The following NRCAM variants were observed in gnomAD, a reference collection of about 807,000 sequenced individuals.
The protein encoded by NRCAM is neuronal cell adhesion molecule.
Under a neutral mutation model 156.5 loss-of-function variants are expected in NRCAM, and 83 were observed. That is an observed-to-expected ratio of 0.53 (90% CI 0.44 to 0.64). The LOEUF (loss-of-function observed/expected upper bound fraction) is 0.64. Among genes scored for constraint, NRCAM ranks in the 30% least tolerant of loss-of-function variants. The pLI is 0.00. For missense variants in NRCAM, 1,417 were observed against 1,597.3 expected (o/e 0.89, Z 1.92); for synonymous variants, 538 against 563.9 (o/e 0.95, Z 0.65).
intron 2 of NRCAM, among the ~76,000 whole-genome samples, chr7:108,356,629 G>A (rs1253173564): frequency 6.6e-6 from 1 of 152,164 alleles, no homozygotes; most frequent in Non-Finnish European, 1.5e-5. Context: ...AATTATTACA[G>A]CCTGCCGAAA....
At chr7:108,428,559 A>G (rs945698172) in intron 1 of NRCAM, among the ~76,000 whole-genome samples, 3 of 152,220 alleles carry the variant, frequency 2.0e-5, no homozygotes, top group Non-Finnish European at 4.4e-5. Context: ...ATCCTTGGAC[A>G]AAAGGAAGGC....
intron 2 of NRCAM, among the ~76,000 whole-genome samples, chr7:108,320,899 G>C (rs1020394771): frequency 1.3e-5 from 2 of 152,230 alleles, no homozygotes; most frequent in African/African-American, 2.4e-5. Flanking sequence ...GGTTCACTAT[G>C]TTAATTTACG....
chr7:108,388,656 T>A (rs200825828), intron 2 of NRCAM, among the ~76,000 whole-genome samples: 13 of 152,332 alleles, frequency 8.5e-5, no homozygotes, highest in South Asian at 2.1e-4. Context: ...CTGAATGGTA[T>A]TGCCTAGGTT....
chr7:108,259,653 CTA>C (rs1386611149), intron 3 of NRCAM, among the ~76,000 whole-genome samples: 2 of 152,144 alleles, frequency 1.3e-5, no homozygotes, highest in Non-Finnish European at 2.9e-5. Context: ...CAATGGAATA[CTA>C]TGCAGCCATA....
At chr7:108,327,363 A>AT (rs1398551440) in intron 2 of NRCAM, among the ~76,000 whole-genome samples, 1 of 152,186 alleles carries the variant, frequency 6.6e-6, no homozygotes, top group Non-Finnish European at 1.5e-5. Flanking sequence ...AACATAAGTT[A>AT]TTTTTCTGGT....
intron 2 of NRCAM, among the ~76,000 whole-genome samples, chr7:108,358,550 T>C (rs182546689): frequency 3.6e-4 from 55 of 152,188 alleles, no homozygotes; most frequent in African/African-American, 1.3e-3. Context: ...TGTCAGGTGA[T>C]GTCTAATGCA....
intron 2 of NRCAM, among the ~76,000 whole-genome samples, chr7:108,331,297 A>C (rs1189340561): frequency 6.6e-6 from 1 of 152,064 alleles, no homozygotes; most frequent in East Asian, 1.9e-4. Flanking sequence ...GTTACTCAGG[A>C]GGCTGAGGTA....
At chr7:108,183,799 T>G (rs1416762883) in intron 22 of NRCAM, among the ~76,000 whole-genome samples, 1 of 152,192 alleles carries the variant, frequency 6.6e-6, no homozygotes. Context: ...CCTCCCAAAG[T>G]GCTGGGATTA....
chr7:108,172,531 A>G (rs1258883136), intron 28 of NRCAM, among the ~76,000 whole-genome samples: 2 of 152,214 alleles, frequency 1.3e-5, no homozygotes, highest in East Asian at 3.9e-4. Flanking sequence ...CCTGACCTCA[A>G]GTGATCTGCC....
intron 1 of NRCAM, among the ~76,000 whole-genome samples, chr7:108,423,707 T>C (rs1813303474): frequency 1.3e-5 from 2 of 152,358 alleles, no homozygotes; most frequent in South Asian, 4.1e-4. Context: ...ATATTACACT[T>C]CATGACCTTC....
intron 11 of NRCAM, among the ~76,000 whole-genome samples, chr7:108,217,406 C>T (rs1036760491): frequency 6.6e-6 from 1 of 152,210 alleles, no homozygotes; most frequent in African/African-American, 2.4e-5. Flanking sequence ...GTCAGGGACC[C>T]ACTTGAGGAG....
chr7:108,285,689 A>T (rs1037564027), intron 3 of NRCAM, among the ~76,000 whole-genome samples: 1 of 152,156 alleles, frequency 6.6e-6, no homozygotes, highest in African/African-American at 2.4e-5. Context: ...TAGAAACAAA[A>T]CTCCTTTGGA....
At chr7:108,256,188 G>A (rs1048875687) in intron 3 of NRCAM, among the ~76,000 whole-genome samples, 20 of 152,036 alleles carry the variant, frequency 1.3e-4, no homozygotes, top group African/African-American at 3.6e-4. Flanking sequence ...TAGAAAAGGG[G>A]GAAATGTGGG....
chr7:108,279,792 G>A (rs1430852578), intron 3 of NRCAM, among the ~76,000 whole-genome samples: 2 of 151,930 alleles, frequency 1.3e-5, no homozygotes. Flanking sequence ...AAACTCCTGA[G>A]CAAGTGATCC....
intron 3 of NRCAM, among the ~76,000 whole-genome samples, chr7:108,259,985 G>A (rs564147817): frequency 1.2e-4 from 18 of 152,298 alleles, no homozygotes; most frequent in Middle Eastern, 3.4e-3. Context: ...CACATGTACC[G>A]CAGAACTTAA....
chr7:108,441,496 C>T (rs903509104), intron 1 of NRCAM, among the ~76,000 whole-genome samples: 2 of 152,204 alleles, frequency 1.3e-5, no homozygotes, highest in Non-Finnish European at 2.9e-5. Flanking sequence ...ATACAACATT[C>T]CCCTTAGAAG....
At chr7:108,220,860 A>C (rs1588881138) in intron 11 of NRCAM, among the ~76,000 whole-genome samples, 1 of 152,218 alleles carries the variant, frequency 6.6e-6, no homozygotes, top group African/African-American at 2.4e-5. Context: ...GACTTAATTA[A>C]ATTAAAGAGC....
At chr7:108,152,468 G>A (rs1178265733) in intron 32 of NRCAM, among the ~76,000 whole-genome samples, 1 of 151,954 alleles carries the variant, frequency 6.6e-6, no homozygotes, top group Non-Finnish European at 1.5e-5. Context: ...GGAGTGGCAC[G>A]GCTAAATCAG....
chr7:108,190,656 T>G (rs2070749808), intron 19 of NRCAM, among the ~76,000 whole-genome samples: 3 of 152,216 alleles, frequency 2.0e-5, no homozygotes, highest in Non-Finnish European at 4.4e-5. Context: ...TTTCTGGAAA[T>G]GATTTCTGAC....
Sources: gnomAD v4.1 joint callset for allele counts (sites outside exome capture counted in the v4.1 genomes callset) on GRCh38, gnomAD v4.1.1 for gene constraint, MANE v1.5 for transcripts, NCBI Gene and HGNC (gene_info 2026-07-23, HGNC 2026-07-21) for gene names.